The following PRCP variants were observed in gnomAD, a reference collection of about 807,000 sequenced individuals.
PRCP encodes the protein prolylcarboxypeptidase.
PRCP carries 46 observed loss-of-function variants against 54.2 expected under a neutral mutation model. That is an observed-to-expected ratio of 0.85 (90% CI 0.67 to 1.09). PRCP has a LOEUF of 1.09. Ranked by LOEUF, PRCP falls within the 50% of genes least tolerant of loss-of-function variation. The pLI, the probability that PRCP is intolerant of heterozygous loss-of-function variation, is 0.00. For missense variants in PRCP, 613 were observed against 596.8 expected (o/e 1.03, Z -0.28); for synonymous variants, 240 against 212.2 (o/e 1.13, Z -1.14).
chr11:82,897,142 T>C (rs2127359), intron 1 of PRCP, among the ~76,000 whole-genome samples: 36,928 of 152,174 alleles, frequency 0.24, 4,998 homozygotes, highest in Admixed American at 0.3. Flanking sequence ...AGCCTCGATG[T>C]GCCCAAGTGA....
intron 4 of PRCP, 45 bp from the exon 5 acceptor site, chr11:82,850,116 T>A (rs373807833): frequency 0.075 from 49,050 of 654,660 alleles, 1,940 homozygotes; most frequent in African/African-American, 0.22. Context: ...AAAGAAAAAA[T>A]ATATATATAT....
At chr11:82,829,439 C>G (rs1858323938) in intron 8 of PRCP, 1 of 152,194 alleles carries the variant, frequency 6.6e-6, no homozygotes, top group Admixed American at 6.5e-5. Flanking sequence ...TCCTCTTACC[C>G]CACCAACCTC....
chr11:82,834,756 G>A (rs1463420356), intron 8 of PRCP, among the ~76,000 whole-genome samples: 6 of 152,180 alleles, frequency 3.9e-5, no homozygotes, highest in Non-Finnish European at 8.8e-5. Flanking sequence ...TCAGTGGGTG[G>A]AGTAGGGGGA....
intron 1 of PRCP, among the ~76,000 whole-genome samples, chr11:82,861,755 G>A (rs1484718427): frequency 6.6e-6 from 1 of 152,188 alleles, no homozygotes; most frequent in African/African-American, 2.4e-5. Context: ...AATATCATGA[G>A]AAAGGACTAT....
chr11:82,893,782 G>T (rs1354589946), intron 1 of PRCP, among the ~76,000 whole-genome samples: 1 of 152,170 alleles, frequency 6.6e-6, no homozygotes, highest in Non-Finnish European at 1.5e-5. Context: ...GACAGAGCAA[G>T]ATCCTGTCTA....
intron 1 of PRCP, among the ~76,000 whole-genome samples, chr11:82,868,336 C>A (rs1859391019): frequency 6.6e-6 from 1 of 152,068 alleles, no homozygotes; most frequent in African/African-American, 2.4e-5. Flanking sequence ...TTAAATTTTT[C>A]TTTCATTTAA....
intron 3 of PRCP, among the ~76,000 whole-genome samples, chr11:82,852,382 G>C (rs1239147852): frequency 6.6e-6 from 1 of 152,178 alleles, no homozygotes; most frequent in Non-Finnish European, 1.5e-5. Context: ...CCTTCTAGCT[G>C]AGAGTTCCCA....
At chr11:82,832,666 C>T (rs1043527093) in intron 8 of PRCP, among the ~76,000 whole-genome samples, 9 of 152,208 alleles carry the variant, frequency 5.9e-5, no homozygotes, top group Non-Finnish European at 1.5e-5. Context: ...CCTGTTCACT[C>T]TGATGATAAT....
chr11:82,838,305 A>T, intron 8 of PRCP, 82 bp downstream of exon 8: 1 of 1,310,248 alleles, frequency 7.6e-7, no homozygotes, highest in Admixed American at 2.1e-5. Flanking sequence ...TATATTGTCC[A>T]GCATTTCCCT....
chr11:82,893,200 A>G (rs1860042796), intron 1 of PRCP, among the ~76,000 whole-genome samples: 1 of 152,250 alleles, frequency 6.6e-6, no homozygotes, highest in African/African-American at 2.4e-5. Flanking sequence ...TCATGAAAGC[A>G]TATGCTAAAA....
At chr11:82,884,217 G>A (rs531307851) in intron 1 of PRCP, among the ~76,000 whole-genome samples, 5 of 152,296 alleles carry the variant, frequency 3.3e-5, no homozygotes, top group Admixed American at 1.3e-4. Flanking sequence ...CAATCACAAT[G>A]ATGCTGGCCA....
Position 82,824,915 on chromosome 11 carries a change from C to T in PRCP, c.1482G>A (p.Lys494=), listed in dbSNP as rs1858184143. The change falls in exon 9 of 9, where the codon AAG becomes AAA. Residue 494 remains lysine (K), a synonymous_variant. Transcript: ENST00000313010. ...WIRDFYDSAG[K]QH ...AACAATCAAAAGTTTCTCAGTGCTG[C>T]TTTCCCGCACTGTCATAGAAATCTC... The T allele has an allele frequency of 6.2e-7, 1 of 1,613,554 alleles. No homozygotes were observed. The highest frequency in any genetic ancestry group is 1.3e-5 in the African/African-American group (1 of 74,918).
intron 3 of PRCP, among the ~76,000 whole-genome samples, chr11:82,852,398 A>AT (rs1331580252): frequency 6.6e-6 from 1 of 152,244 alleles, no homozygotes; most frequent in Non-Finnish European, 1.5e-5. Context: ...TCCCAAAAGC[A>AT]TATGTATACA....
chr11:82,842,361 C>G (rs1858693863), intron 6 of PRCP, among the ~76,000 whole-genome samples: 1 of 152,144 alleles, frequency 6.6e-6, no homozygotes, highest in Non-Finnish European at 1.5e-5. Flanking sequence ...TGATGGAATT[C>G]CAAGTCCAGA....
intron 3 of PRCP, among the ~76,000 whole-genome samples, chr11:82,852,485 AACCAGT>A (rs1858980598): frequency 6.6e-6 from 1 of 152,212 alleles, no homozygotes; most frequent in Non-Finnish European, 1.5e-5. Flanking sequence ...TGTAAAGAAT[AACCAGT>A]ACACAGAGCC....
chr11:82,851,268 C>G (rs1259423358), intron 3 of PRCP, among the ~76,000 whole-genome samples: 1 of 151,948 alleles, frequency 6.6e-6, no homozygotes, highest in African/African-American at 2.4e-5. Context: ...TCCCTTTGAA[C>G]TTGGATGGGA....
intron 8 of PRCP, among the ~76,000 whole-genome samples, chr11:82,832,972 T>C (rs1442955323): frequency 6.6e-6 from 1 of 152,232 alleles, no homozygotes; most frequent in African/African-American, 2.4e-5. Flanking sequence ...TACCAAACTA[T>C]AGAAAAAGAT....
chr11:82,895,165 ACC>A (rs918770698), intron 1 of PRCP, among the ~76,000 whole-genome samples: 1 of 152,174 alleles, frequency 6.6e-6, no homozygotes, highest in African/African-American at 2.4e-5. Context: ...CTTTACACAT[ACC>A]ACCTCTTTTT....
intron 6 of PRCP, among the ~76,000 whole-genome samples, chr11:82,847,652 G>C (rs1203115718): frequency 6.6e-6 from 1 of 152,064 alleles, no homozygotes; most frequent in Non-Finnish European, 1.5e-5. Context: ...TGTTGCCCAG[G>C]CTGGAGTACA....
Sources: allele counts gnomAD v4.1 joint callset (sites outside exome capture counted in the v4.1 genomes callset), GRCh38; gene constraint gnomAD v4.1.1; transcripts MANE v1.5; gene names NCBI Gene and HGNC (gene_info 2026-07-23, HGNC 2026-07-21).